Variants in RSF1 observed in about 807,000 individuals in gnomAD.
RSF1 encodes the protein remodeling and spacing factor 1, also known as HBV pX-associated protein 8.
A neutral mutation model predicts 145.2 loss-of-function variants in RSF1; 13 were observed. The ratio of observed to expected loss-of-function variants is 0.09; its 90% confidence interval spans 0.06 to 0.14. RSF1 has a LOEUF of 0.14. Among genes scored for constraint, RSF1 ranks in the 10% least tolerant of loss-of-function variants. The pLI is 1.00. For missense variants in RSF1, 1,517 were observed against 1,718.2 expected, an observed-to-expected ratio of 0.88 and a Z score of 2.07; for synonymous variants, 577 against 592.6, an observed-to-expected ratio of 0.97 and a Z score of 0.38.
At chr11:77,782,184 A>T (rs932244629) in intron 1 of RSF1, among the ~76,000 whole-genome samples, 1 of 152,170 alleles carries the variant, frequency 6.6e-6, no homozygotes, top group Non-Finnish European at 1.5e-5. Context: ...TTACAATACC[A>T]CATGTGGCTT....
At chr11:77,762,720 T>C (rs1225636913) in intron 2 of RSF1, 1 of 152,232 alleles carries the variant, frequency 6.6e-6, no homozygotes, top group Non-Finnish European at 1.5e-5. Context: ...GTTGGTAATG[T>C]CTGCTATGAG....
intron 2 of RSF1, among the ~76,000 whole-genome samples, chr11:77,748,210 G>A (rs1251752649): frequency 6.7e-6 from 1 of 148,772 alleles, no homozygotes; most frequent in Non-Finnish European, 1.5e-5. Flanking sequence ...CAATATAATA[G>A]AGGATCTTTT....
At chr11:77,855,177 T>A in the RSF1 span, among the ~76,000 whole-genome samples, 2 of 152,220 alleles carry the variant, frequency 1.3e-5, no homozygotes, top group African/African-American at 4.8e-5. Context: ...CCTCCAGGCC[T>A]GTGATGGGAG....
chr11:77,713,074 A>G (rs1960724725), intron 5 of RSF1, among the ~76,000 whole-genome samples: 1 of 152,152 alleles, frequency 6.6e-6, no homozygotes. Flanking sequence ...GGCTGTGTTC[A>G]TTGTTACTGG....
chr11:77,837,318 G>A, the RSF1 span, among the ~76,000 whole-genome samples: 2 of 152,040 alleles, frequency 1.3e-5, no homozygotes, highest in Non-Finnish European at 2.9e-5. Flanking sequence ...GTTATTTTTA[G>A]TAGAGACAGG....
intron 1 of RSF1, among the ~76,000 whole-genome samples, chr11:77,788,920 TC>T (rs1948488572): frequency 6.6e-6 from 1 of 152,144 alleles, no homozygotes. Flanking sequence ...TGGCCATAGT[TC>T]CAGCTACTTG....
chr11:77,786,922 C>T (rs576374405), intron 1 of RSF1, among the ~76,000 whole-genome samples: 1 of 152,124 alleles, frequency 6.6e-6, no homozygotes, highest in East Asian at 1.9e-4. Context: ...CTATAACTAC[C>T]CCAATTTACA....
the RSF1 span, chr11:77,866,284 CAAT>C: frequency 1.3e-5 from 2 of 152,094 alleles, no homozygotes; most frequent in African/African-American, 4.8e-5. Context: ...GCAGAAAAAA[CAAT>C]AAGCTTTTAC....
chr11:77,704,529 T>C (rs72947653), intron 5 of RSF1, among the ~76,000 whole-genome samples: 27,553 of 152,046 alleles, frequency 0.18, 3,174 homozygotes, highest in African/African-American at 0.31. Flanking sequence ...AGTAACAACA[T>C]AGCAAAATAA....
At chr11:77,775,201 T>C (rs1443329332) in intron 1 of RSF1, among the ~76,000 whole-genome samples, 3 of 151,314 alleles carry the variant, frequency 2.0e-5, no homozygotes, top group South Asian at 2.1e-4. Flanking sequence ...TGAGCCAAGA[T>C]TGCACCTTTG....
upstream of RSF1, among the ~76,000 whole-genome samples, chr11:77,823,614 CCTG>C (rs1481180272): frequency 4.1e-3 from 383 of 92,734 alleles, 5 homozygotes; most frequent in African/African-American, 0.018. Flanking sequence ...AGAACTACAC[CCTG>C]TCTCAAAAAA....
chr11:77,735,769 G>A lies in RSF1; in HGVS notation c.578+4962C>T, dbSNP rs537008921. Among the ~76,000 whole-genome samples the A allele has an allele frequency of 5.2e-4, 79 of 152,126 alleles. 1 individual carries two copies. In the South Asian group the frequency reaches 0.014, roughly 26 times the overall value. ...TTTCTTCTTTTTTGAGATGGAGGCC[G>A]CTCTGTTGTCGCCAGGCTGGAGTGC... On this transcript the variant is annotated intron_variant, in intron 4 of 15. Coordinates refer to ENST00000308488, the MANE Select transcript of RSF1 (RefSeq NM_016578.4).
chr11:77,828,725 A>C, the RSF1 span, among the ~76,000 whole-genome samples: 2 of 152,176 alleles, frequency 1.3e-5, no homozygotes, highest in Non-Finnish European at 2.9e-5. Context: ...GAAATTTTAA[A>C]AGACGTACAT....
rs190478610 is a variant in RSF1, at chr11:77,713,492, C to T, written c.734-10997G>A. On this transcript the variant is annotated intron_variant, in intron 5 of 15. Transcript: ENST00000308488. ...CGCAAGGTATTTCTTTCTTCAAAGCCCTGTAATTTTACTAGAAAATGTCTT... is the reference window on the plus strand; with the variant it reads ...CGCAAGGTATTTCTTTCTTCAAAGCTCTGTAATTTTACTAGAAAATGTCTT... Among the ~76,000 whole-genome samples, 20 of 152,284 alleles carry T rather than the reference C, an allele frequency of 1.3e-4. 1 individual carries two copies. The highest frequency in any genetic ancestry group is 8.8e-5 in the Non-Finnish European group (6 of 68,018).
chr11:77,798,581 TAA>T (rs543236647), intron 1 of RSF1, among the ~76,000 whole-genome samples: 5 of 24,496 alleles, frequency 2.0e-4, no homozygotes, highest in African/African-American at 2.6e-4. Flanking sequence ...GACTCCATCT[TAA>T]AAAAAAAAAA....
chr11:77,761,445 G>A (rs879553796), intron 2 of RSF1, among the ~76,000 whole-genome samples: 2 of 151,590 alleles, frequency 1.3e-5, no homozygotes, highest in East Asian at 1.9e-4. Context: ...AATCAAGTGC[G>A]ATTTCTTTTA....
At chr11:77,723,287 C>G (rs1590850754) in intron 5 of RSF1, among the ~76,000 whole-genome samples, 1 of 152,140 alleles carries the variant, frequency 6.6e-6, no homozygotes, top group South Asian at 2.1e-4. Flanking sequence ...AAGATCCCAT[C>G]TCTACAAAAA....
intron 1 of RSF1, among the ~76,000 whole-genome samples, chr11:77,817,177 C>A (rs550590129): frequency 6.6e-6 from 1 of 152,216 alleles, no homozygotes; most frequent in Non-Finnish European, 1.5e-5. Flanking sequence ...GAAATAATAA[C>A]ACTTCCACTT....
chr11:77,841,144 A>G, the RSF1 span: 2 of 698,940 alleles, frequency 2.9e-6, no homozygotes. Flanking sequence ...TTGTCCTTTT[A>G]TAATGAACCT....
Sources: allele counts gnomAD v4.1 joint callset (sites outside exome capture counted in the v4.1 genomes callset), GRCh38; gene constraint gnomAD v4.1.1; transcripts MANE v1.5; gene names NCBI Gene and HGNC (gene_info 2026-07-23, HGNC 2026-07-21).